SLIT3: variants seen among roughly 807,000 people sequenced by gnomAD.
SLIT3 encodes the protein slit homolog 3 protein.
SLIT3 carries 68 observed loss-of-function variants against 184.0 expected under a neutral mutation model. The ratio of observed to expected loss-of-function variants is 0.37; its 90% CI spans 0.30 to 0.45. The LOEUF (loss-of-function observed/expected upper bound fraction) is 0.45, where lower values mean the gene tolerates loss of function less well. Ranked by LOEUF, SLIT3 falls within the 20% of genes least tolerant of loss-of-function variation. The pLI is 1.00. For synonymous variants in SLIT3, 831 were observed against 828.6 expected (o/e 1.00, Z -0.05); for missense variants, 1,707 against 2,026.0 (o/e 0.84, Z 3.02).
At chr5:168,668,424 A>G (rs769078058) in intron 35 of SLIT3, among the ~76,000 whole-genome samples, 31 of 152,150 alleles carry the variant, frequency 2.0e-4, no homozygotes, top group Non-Finnish European at 3.8e-4. Flanking sequence ...TTAGTTTTGA[A>G]GGCATGGCAT....
At chr5:169,206,187 G>T (rs1186509680) in intron 3 of SLIT3, among the ~76,000 whole-genome samples, 2 of 152,188 alleles carry the variant, frequency 1.3e-5, no homozygotes, top group Admixed American at 6.5e-5. Context: ...GCAAAAGCAC[G>T]CTCCATCAAG....
At chr5:168,752,900 A>C (rs1754764109) in intron 18 of SLIT3, 55 bp downstream of exon 18, 11 of 1,548,242 alleles carry the variant, frequency 7.1e-6, no homozygotes, top group Middle Eastern at 1.8e-4. Flanking sequence ...GGGAGGAGAG[A>C]GCGCTGCAGA....
intron 4 of SLIT3, among the ~76,000 whole-genome samples, chr5:169,013,984 G>A (rs1756264903): frequency 6.6e-6 from 1 of 152,148 alleles, no homozygotes; most frequent in South Asian, 2.1e-4. Flanking sequence ...TTATTGCACT[G>A]AGTGGATGAG....
At chr5:168,944,232 T>C (rs1762409152) in intron 4 of SLIT3, among the ~76,000 whole-genome samples, 1 of 152,066 alleles carries the variant, frequency 6.6e-6, no homozygotes, top group Admixed American at 6.6e-5. Flanking sequence ...TTCCCAGTGA[T>C]AAAGCTAATA....
At chr5:168,828,818 T>C (rs547685865) in intron 6 of SLIT3, among the ~76,000 whole-genome samples, 5 of 152,302 alleles carry the variant, frequency 3.3e-5, no homozygotes, top group Admixed American at 6.5e-5. Context: ...AGGAGTCTCA[T>C]GCAAGTTCGT....
chr5:168,909,643 C>A (rs1761190806), intron 4 of SLIT3, among the ~76,000 whole-genome samples: 1 of 152,142 alleles, frequency 6.6e-6, no homozygotes, highest in South Asian at 2.1e-4. Context: ...AATCCCTGGC[C>A]TGGAGTTTTG....
At chr5:168,760,670 C>T (rs1755114246) in intron 16 of SLIT3, among the ~76,000 whole-genome samples, 192 bp downstream of exon 16, 1 of 152,116 alleles carries the variant, frequency 6.6e-6, no homozygotes, top group African/African-American at 2.4e-5. Context: ...TCAACTGAAA[C>T]CATGAAGCAT....
At chr5:168,907,981 G>C (rs200449470) in intron 4 of SLIT3, among the ~76,000 whole-genome samples, 1 of 98,358 alleles carries the variant, frequency 1.0e-5, no homozygotes, top group Non-Finnish European at 2.2e-5. Flanking sequence ...TATATATATA[G>C]AGAGAGAGAG....
intron 4 of SLIT3, among the ~76,000 whole-genome samples, chr5:169,164,205 G>A (rs932509232): frequency 6.6e-6 from 1 of 152,190 alleles, no homozygotes; most frequent in Non-Finnish European, 1.5e-5. Context: ...GGGCCTCTAA[G>A]TACCATCCTC....
intron 4 of SLIT3, among the ~76,000 whole-genome samples, chr5:168,903,374 T>A (rs1760933660): frequency 6.6e-6 from 1 of 152,224 alleles, no homozygotes; most frequent in African/African-American, 2.4e-5. Flanking sequence ...CAGTTTTCCC[T>A]GTCAGGGCTT....
intron 4 of SLIT3, among the ~76,000 whole-genome samples, chr5:169,043,606 G>A (rs965798818): frequency 2.6e-5 from 4 of 152,210 alleles, no homozygotes; most frequent in Admixed American, 6.5e-5. Context: ...AAGGGATCAC[G>A]AATTTTTGAG....
intron 23 of SLIT3, among the ~76,000 whole-genome samples, chr5:168,713,171 C>A (rs1015426303): frequency 6.6e-6 from 1 of 152,216 alleles, no homozygotes; most frequent in African/African-American, 2.4e-5. Context: ...GCATCAGCCA[C>A]ACACATACAC....
At chr5:169,099,630 G>A (rs1452853505) in intron 4 of SLIT3, among the ~76,000 whole-genome samples, 1 of 152,222 alleles carries the variant, frequency 6.6e-6, no homozygotes, top group Non-Finnish European at 1.5e-5. Context: ...GCTATTAGGG[G>A]CTGGGGTTGA....
At chr5:169,004,756 A>C (rs574204812) in intron 4 of SLIT3, among the ~76,000 whole-genome samples, 1 of 152,250 alleles carries the variant, frequency 6.6e-6, no homozygotes, top group African/African-American at 2.4e-5. Flanking sequence ...TGGAATCTTC[A>C]TGATGGATGA....
In SLIT3 at chr5:168,687,091, C is replaced by G; in HGVS notation, c.3202G>C (p.Gly1068Arg). 6.2e-7 allele frequency: 1 copy of G among 1,614,220 alleles called. No individual in the cohort carries two copies. Among genetic ancestry groups the G allele is most frequent in the Non-Finnish European group, 8.5e-7 (1 of 1,180,006 alleles). Residue 1068 changes from glycine (G) to arginine (R), a missense_variant, in exon 30 of 36, where the codon GGG becomes CGG. Transcript: ENST00000519560. ...TCATTGTCTGTCTCACAGAGCTTCC[C>G]GCTGTAGCCAGGGACACACTCGCAG... ...FSCECVPGYSGKLCETDNDDC... is the reference protein window; with the variant it reads ...FSCECVPGYSRKLCETDNDDC...
At chr5:168,718,538 G>A (rs1762823232) in intron 23 of SLIT3, among the ~76,000 whole-genome samples, 1 of 152,108 alleles carries the variant, frequency 6.6e-6, no homozygotes, top group South Asian at 2.1e-4. Flanking sequence ...GGATGAAGAT[G>A]TCCACAAGAA....
Position 169,224,047 on chromosome 5 carries a change from A to G in SLIT3, c.341+20658T>C, listed in dbSNP as rs1308705308. Among the ~76,000 whole-genome samples the G allele has an allele frequency of 2.0e-5, 3 of 152,358 alleles. No individual in the cohort carries two copies. In the East Asian group the frequency reaches 5.8e-4, roughly 29 times the overall value. On this transcript the variant is annotated intron_variant, in intron 3 of 35. Transcript: ENST00000519560. ...TTAAGAAGATACATCGGATTAGGAA[A>G]TGGCAAGATCATTAGCTTTGAAGCT...
intron 3 of SLIT3, among the ~76,000 whole-genome samples, chr5:169,205,683 G>A (rs1417404377): frequency 6.6e-6 from 1 of 152,192 alleles, no homozygotes; most frequent in Admixed American, 6.5e-5. Flanking sequence ...TGAGCCAAAG[G>A]GGGCAAACTT....
At chr5:168,885,554 A>G (rs975372344) in intron 4 of SLIT3, among the ~76,000 whole-genome samples, 2 of 152,154 alleles carry the variant, frequency 1.3e-5, no homozygotes, top group Admixed American at 6.5e-5. Context: ...GGCAGTCACA[A>G]TGAGTCCAGT....
Sources: allele counts gnomAD v4.1 joint callset (sites outside exome capture counted in the v4.1 genomes callset), GRCh38; gene constraint gnomAD v4.1.1; transcripts MANE v1.5; gene names NCBI Gene and HGNC (gene_info 2026-07-23, HGNC 2026-07-21).